CNTNAP5: variants seen among roughly 807,000 people sequenced by gnomAD.
The protein encoded by CNTNAP5 is contactin-associated protein-like 5.
CNTNAP5 carries 72 observed loss-of-function variants against 150.2 expected under a neutral mutation model. That is an observed-to-expected ratio of 0.48 (90% CI 0.40 to 0.58). CNTNAP5 has a LOEUF of 0.58. CNTNAP5 is among the 20% of genes least tolerant of loss of function. The pLI is 0.00. For missense variants in CNTNAP5, 1,636 were observed against 1,626.2 expected (o/e 1.01, Z -0.10); for synonymous variants, 672 against 619.8 (o/e 1.08, Z -1.25).
chr2:124,206,468 T>C (rs1685864800), intron 1 of CNTNAP5, among the ~76,000 whole-genome samples: 1 of 152,198 alleles, frequency 6.6e-6, no homozygotes, highest in South Asian at 2.1e-4. Context: ...TAACCTACCA[T>C]CTCCTTTCCC....
At chr2:124,202,115 GC>G (rs1200242495) in intron 1 of CNTNAP5, among the ~76,000 whole-genome samples, 1 of 152,042 alleles carries the variant, frequency 6.6e-6, no homozygotes, top group Non-Finnish European at 1.5e-5. Flanking sequence ...TTTATGCTGT[GC>G]CCTAAGTTCT....
intron 3 of CNTNAP5, among the ~76,000 whole-genome samples, chr2:124,348,143 A>G (rs1689788167): frequency 6.6e-6 from 1 of 152,152 alleles, no homozygotes; most frequent in African/African-American, 2.4e-5. Context: ...TTTTCAGTGT[A>G]CAAGTCTTAT....
chr2:124,691,801 T>C (rs1462697071), intron 13 of CNTNAP5, among the ~76,000 whole-genome samples: 2 of 152,066 alleles, frequency 1.3e-5, no homozygotes, highest in Non-Finnish European at 2.9e-5. Flanking sequence ...ATGTGATAAA[T>C]GCAATGAGGG....
At chr2:124,064,129 C>T (rs527663731) in intron 1 of CNTNAP5, among the ~76,000 whole-genome samples, 1 of 152,240 alleles carries the variant, frequency 6.6e-6, no homozygotes, top group Admixed American at 6.5e-5. Context: ...AAATTAGCGA[C>T]TTCGAAGGCC....
In CNTNAP5 at chr2:124,655,923, AAG is replaced by A. The variant is rs138857798; in HGVS notation, c.2077+7989_2077+7990del. Among the ~76,000 whole-genome samples, 901 of 105,942 alleles carry A rather than the reference AAG, an allele frequency of 8.5e-3. 16 individuals are homozygous for A. The highest frequency in any genetic ancestry group is 0.015 in the East Asian group (63 of 4,096). 69.5% of individuals were successfully genotyped at this position (105,942 alleles called of 152,430 possible). A position where few individuals can be genotyped will look rare whatever the true frequency, so the allele number is the denominator to read the frequency against. On this transcript the variant is annotated intron_variant, in intron 13 of 23. Coordinates refer to ENST00000682447, the MANE Select transcript of CNTNAP5 (RefSeq NM_001367498.1). ...TGGAAAGAAAAGAAAGAAAGACAGA[AAG>A]AGAGAGAGAGAGAGAGAGAGAGAAA...
intron 13 of CNTNAP5, among the ~76,000 whole-genome samples, chr2:124,699,771 T>G (rs1679480355): frequency 2.0e-5 from 3 of 150,886 alleles, no homozygotes; most frequent in Admixed American, 2.0e-4. Context: ...GTCCTATAAT[T>G]TGTTCTTTCT....
At chr2:124,901,847 T>A (rs947112133) in intron 21 of CNTNAP5, among the ~76,000 whole-genome samples, 1 of 152,054 alleles carries the variant, frequency 6.6e-6, no homozygotes, top group East Asian at 1.9e-4. Context: ...TTAAAGGAGG[T>A]TAATTTCTCA....
At chr2:124,849,948 A>G (rs1171870764) in intron 19 of CNTNAP5, among the ~76,000 whole-genome samples, 5 of 152,214 alleles carry the variant, frequency 3.3e-5, no homozygotes, top group Non-Finnish European at 7.3e-5. Flanking sequence ...CTTCAGGAAA[A>G]TTGTAGGCCA....
intron 7 of CNTNAP5, among the ~76,000 whole-genome samples, chr2:124,483,339 A>G (rs1236530617): frequency 6.6e-6 from 1 of 152,192 alleles, no homozygotes; most frequent in South Asian, 2.1e-4. Flanking sequence ...GGAGCTTGGG[A>G]CCAGTGGCTA....
chr2:124,434,226 A>G (rs1383659760), intron 4 of CNTNAP5, among the ~76,000 whole-genome samples: 3 of 152,206 alleles, frequency 2.0e-5, no homozygotes, highest in Non-Finnish European at 1.5e-5. Flanking sequence ...GCAAAAGCTG[A>G]CATATCACTA....
chr2:124,165,741 G>A (rs754767571), intron 1 of CNTNAP5, among the ~76,000 whole-genome samples: 10 of 151,992 alleles, frequency 6.6e-5, no homozygotes, highest in Admixed American at 1.3e-4. Context: ...CATATTCTAG[G>A]GTAAAAGACA....
At chr2:124,730,757 C>T (rs1026062326) in intron 13 of CNTNAP5, among the ~76,000 whole-genome samples, 1 of 151,874 alleles carries the variant, frequency 6.6e-6, no homozygotes, top group Non-Finnish European at 1.5e-5. Flanking sequence ...AATTAAATGA[C>T]CTTTGTGGGG....
At chr2:124,325,131 G>T (rs1689186047) in intron 3 of CNTNAP5, among the ~76,000 whole-genome samples, 1 of 152,128 alleles carries the variant, frequency 6.6e-6, no homozygotes, top group South Asian at 2.1e-4. Flanking sequence ...AAGCCTTCAT[G>T]AATGGGATTA....
intron 13 of CNTNAP5, among the ~76,000 whole-genome samples, chr2:124,701,190 A>G (rs1461085643): frequency 1.3e-5 from 2 of 151,860 alleles, no homozygotes; most frequent in East Asian, 1.9e-4. Flanking sequence ...TCCTCTGTCA[A>G]CCCTGGTAAC....
At chr2:124,411,043 G>A (rs547771639) in intron 3 of CNTNAP5, among the ~76,000 whole-genome samples, 20 of 152,198 alleles carry the variant, frequency 1.3e-4, no homozygotes, top group Admixed American at 1.2e-3. Context: ...AAAGATAAAG[G>A]GGATATCACT....
At chr2:124,786,383 GAA>G (rs1437108343) in intron 17 of CNTNAP5, among the ~76,000 whole-genome samples, 1 of 83,178 alleles carries the variant, frequency 1.2e-5, no homozygotes, top group Non-Finnish European at 2.3e-5. Flanking sequence ...AAGAAAGAAA[GAA>G]AGAAAGAAAG....
chr2:124,777,775 A>ATGTGTGTGTGTGTGTGTGTGTGTGTG, intron 17 of CNTNAP5, among the ~76,000 whole-genome samples: 1 of 130,690 alleles, frequency 7.7e-6, no homozygotes, highest in African/African-American at 2.8e-5. Context: ...GAATGGAGGG[A>ATGTGTGTGTGTGTGTGTGTGTGTGTG]TGTGTGTGTG....
At chr2:124,322,789 T>C (rs1223516702) in intron 3 of CNTNAP5, among the ~76,000 whole-genome samples, 1 of 152,186 alleles carries the variant, frequency 6.6e-6, no homozygotes, top group Non-Finnish European at 1.5e-5. Flanking sequence ...CATCACTTCC[T>C]TCTGGATCCC....
At chr2:124,810,408 C>A (rs987883811) in intron 19 of CNTNAP5, among the ~76,000 whole-genome samples, 10 of 152,096 alleles carry the variant, frequency 6.6e-5, no homozygotes, top group Non-Finnish European at 1.5e-4. Flanking sequence ...GCTTAAACAG[C>A]ATGTCATCTG....
Sources: gnomAD v4.1 joint callset for allele counts (sites outside exome capture counted in the v4.1 genomes callset) on GRCh38, gnomAD v4.1.1 for gene constraint, MANE v1.5 for transcripts, NCBI Gene and HGNC (gene_info 2026-07-23, HGNC 2026-07-21) for gene names.